The following MYH14 variants were observed in gnomAD, a reference collection of about 807,000 sequenced individuals.
MYH14 encodes the protein myosin-14.
MYH14 carries 123 observed loss-of-function variants against 255.5 expected under a neutral mutation model. The observed-to-expected ratio is 0.48, with a 90% CI of 0.42 to 0.56. The LOEUF is 0.56. MYH14 is among the 20% of genes least tolerant of loss of function. The probability of loss-of-function intolerance (pLI) is 0.00; values close to 1 mark genes in which losing one functional copy is unlikely to be tolerated. For synonymous variants in MYH14, 1,095 were observed against 1,161.2 expected (o/e 0.94, Z 1.16); for missense variants, 2,423 against 2,802.3 (o/e 0.86, Z 3.06).
At chr19:50,303,514 G>C (rs146642739) in intron 40 of MYH14, among the ~76,000 whole-genome samples, 1 of 152,142 alleles carries the variant, frequency 6.6e-6, no homozygotes, top group African/African-American at 2.4e-5. Flanking sequence ...CACTCAGCCC[G>C]CTCAGATTCA....
chr19:50,286,766 C>A, intron 34 of MYH14, 72 bp downstream of exon 34: 1 of 1,373,172 alleles, frequency 7.3e-7, no homozygotes, highest in South Asian at 1.3e-5. Context: ...TGCTTTCACA[C>A]ATAGAACATG....
chr19:50,280,092 G>A lies in MYH14; in HGVS notation c.4088G>A (p.Arg1363His), dbSNP rs727504915. Residue 1363 changes from arginine (R) to histidine (H), a missense_variant, in exon 31 of 43, where the codon CGT becomes CAT. By Grantham distance (29) the Arg-to-His change is conservative. Transcript: ENST00000642316. This position sits in a 1 kb window ranked among gnomAD's most constrained non-coding sequence, Gnocchi z 4.8. ...ALNEAESKTI[R>H]LSKELSSTEA... ...AACGAGGCTGAGTCCAAAACCATCC[G>A]TCTTAGCAAGGAGCTGAGCAGCACA... 4.6e-5 allele frequency: 74 copies of A among 1,610,538 alleles called. No individual in the cohort carries two copies. The highest frequency in any genetic ancestry group is 1.6e-4 in the Middle Eastern group (1 of 6,082).
chr19:50,233,961 G>A (rs992569358), intron 10 of MYH14, among the ~76,000 whole-genome samples: 17 of 151,836 alleles, frequency 1.1e-4, no homozygotes, highest in Non-Finnish European at 2.2e-4. Context: ...GATCACAGGC[G>A]TGTGTGCCAC....
At chr19:50,237,855 C>CT (rs564880013) in intron 10 of MYH14, among the ~76,000 whole-genome samples, 35 of 152,252 alleles carry the variant, frequency 2.3e-4, no homozygotes, top group Middle Eastern at 3.4e-3. Flanking sequence ...TTTTCACAGA[C>CT]TTTTTTTGAC....
chr19:50,217,044 C>T (rs1190838570), intron 2 of MYH14, among the ~76,000 whole-genome samples: 1 of 151,998 alleles, frequency 6.6e-6, no homozygotes, highest in African/African-American at 2.4e-5. Flanking sequence ...CTCCTGACCT[C>T]GTGATCCACC....
chr19:50,235,937 C>T (rs151133520), intron 10 of MYH14, among the ~76,000 whole-genome samples: 40 of 151,952 alleles, frequency 2.6e-4, no homozygotes, highest in African/African-American at 8.7e-4. Flanking sequence ...TTTGCAGCTG[C>T]GTAAGGTTTT....
chr19:50,281,868 G>A (rs747175251), intron 33 of MYH14, 26 bp downstream of exon 33: 23 of 1,601,768 alleles, frequency 1.4e-5, no homozygotes, highest in East Asian at 6.7e-5. Flanking sequence ...TCACCCAGCC[G>A]GGGAATCAGC....
At chr19:50,296,551 G>C (rs1322780151) in intron 39 of MYH14, among the ~76,000 whole-genome samples, 2 of 152,170 alleles carry the variant, frequency 1.3e-5, no homozygotes, top group African/African-American at 4.8e-5. Flanking sequence ...AGGTTGTAGT[G>C]AGCCAGAATT....
At position 50,250,623 on chromosome 19, in the gene MYH14, A is replaced by C. The variant is rs748671859; in HGVS notation, c.1765A>C (p.Lys589Gln). 2 of 1,613,982 alleles carry C rather than the reference A, an allele frequency of 1.2e-6. No homozygotes were observed. Among genetic ancestry groups the C allele is most frequent in the Non-Finnish European group, 1.7e-6 (2 of 1,179,888 alleles). ...AGCCCAGGAGCAGGGCGGCCACCCC[A>C]AGTTCCAGCGGCCGAGGCACCTGCG... ...KVAQEQGGHP[K>Q]FQRPRHLRDQ... Residue 589 changes from lysine to glutamine, a missense_variant, in exon 15 of 43, where the codon AAG (lysine) becomes CAG (glutamine). Lys to Gln is a moderately conservative substitution (Grantham distance 53). Coordinates refer to ENST00000642316, the MANE Select transcript of MYH14 (RefSeq NM_001145809.2). This position sits in a 1 kb window ranked among gnomAD's most constrained non-coding sequence, Gnocchi z 5.4.
In MYH14 at chr19:50,271,716, G is replaced by T. The variant is rs1297966245; in HGVS notation, c.3172-133G>T. 5.4e-6 allele frequency: 8 copies of T among 1,470,806 alleles called. No individual in the cohort carries two copies. The African/African-American group carries it at 9.8e-5, about 18-fold the overall frequency. 91.1% of individuals were successfully genotyped at this position (1,470,806 alleles called of 1,614,324 possible). On this transcript the variant is annotated intron_variant, in intron 25 of 42. Coordinates refer to ENST00000642316, the MANE Select transcript of MYH14 (RefSeq NM_001145809.2). ...GAATGGGAAGGAGAGGGAGGTGTAG[G>T]GGGAGGAAGGTCAGAGAAGGGTGAA...
At position 50,280,307 on chromosome 19, in the gene MYH14, G is replaced by A. The variant is rs1350611784; in HGVS notation, c.4214G>A (p.Gly1405Glu). The A allele has an allele frequency of 6.4e-7, 1 of 1,550,858 alleles. No homozygotes were observed. The highest frequency in any genetic ancestry group is 1.4e-5 in the African/African-American group (1 of 73,154). ...CGAGCCATGGAGGCTGAGGCAGCCG[G>A]GCTGCGTGAGCAGCTGGAGGAGGAG... ...RVRAMEAEAA[G>E]LREQLEEEAA... The change falls in exon 32 of 43, where the codon GGG becomes GAG. Residue 1405 changes from glycine to glutamate, a missense_variant. Gly to Glu is a moderately conservative substitution (Grantham distance 98). This residue lies in a region of MYH14 where 1,513 missense variants were observed against 1,674.8 expected (regional missense o/e 0.90). Coordinates refer to ENST00000642316, the MANE Select transcript of MYH14 (RefSeq NM_001145809.2). This position sits in a 1 kb window ranked among gnomAD's most constrained non-coding sequence, Gnocchi z 4.8.
chr19:50,303,979 AT>A (rs1463214834), intron 40 of MYH14, among the ~76,000 whole-genome samples: 1 of 152,202 alleles, frequency 6.6e-6, no homozygotes, highest in African/African-American at 2.4e-5. Context: ...AGATTTTCCT[AT>A]TGCTCAGTAC....
rs1057520092 is a variant in MYH14 at position 50,217,616 on chromosome 19, C to T, written c.407C>T (p.Thr136Met). The change falls in exon 3 of 43, where the codon ACG becomes ATG. Residue 136 changes from threonine to methionine, a missense_variant and splice_region_variant. Transcript: ENST00000642316. ...CCTCTCCCCTCTCACCCACTGCAGA[C>T]GTACTCCGGCCTTTTCTGTGTGGTC... ...RERYYSGLIYTYSGLFCVVIN... is the reference protein window; with the variant it reads ...RERYYSGLIYMYSGLFCVVIN... 9 of 1,613,930 alleles carry T rather than the reference C, an allele frequency of 5.6e-6. No homozygotes were observed. The highest frequency in any genetic ancestry group is 4.5e-5 in the East Asian group (2 of 44,894).
rs749591626 is a variant in MYH14 at position 50,309,665 on chromosome 19, C to T, written c.5986C>T (p.Arg1996Cys). 1.3e-5 allele frequency: 21 copies of T among 1,610,914 alleles called. No homozygotes were observed. The highest frequency in any genetic ancestry group is 1.5e-5 in the Non-Finnish European group (18 of 1,178,886). ...ACGCGGCCCCCTCACCTTCACCACCCGCACGGTGCGCCAGGTCTTCCGACT... is the reference window on the plus strand; with the variant it reads ...ACGCGGCCCCCTCACCTTCACCACCTGCACGGTGCGCCAGGTCTTCCGACT... The part of the protein sequence containing the change: ...LRRGPLTFTT[R>C]TVRQVFRLEE... The change falls in exon 43 of 43, where the codon CGC becomes TGC. Residue 1996 changes from arginine to cysteine, a missense_variant. Physicochemically the swap from Arg to Cys is radical, Grantham distance 180. This residue lies in a region of MYH14 where 1,513 missense variants were observed against 1,674.8 expected (regional missense o/e 0.90). Coordinates refer to ENST00000642316, the MANE Select transcript of MYH14 (RefSeq NM_001145809.2).
intron 1 of MYH14, among the ~76,000 whole-genome samples, chr19:50,206,416 G>A (rs1157365757): frequency 6.6e-6 from 1 of 151,456 alleles, no homozygotes; most frequent in East Asian, 2.0e-4. Flanking sequence ...GATGGGGTGG[G>A]GTGGGGTGGG....
intron 8 of MYH14, among the ~76,000 whole-genome samples, chr19:50,228,078 G>T (rs904728222): frequency 1.3e-5 from 2 of 152,094 alleles, no homozygotes; most frequent in African/African-American, 4.8e-5. Context: ...GAAGCCAGGA[G>T]TTTGAGACCA....
rs537444672 is a variant in MYH14, at chr19:50,260,877, G to A, written c.2424+162G>A. On this transcript the variant is annotated intron_variant, in intron 20 of 42. Coordinates refer to ENST00000642316, the MANE Select transcript of MYH14 (RefSeq NM_001145809.2). ...TGTGTGCATGCATATGTGTGCATGC[G>A]TGTGTGTGCATGTGTGTGTGTGCAT... Among the ~76,000 whole-genome samples the A allele has an allele frequency of 6.1e-5, 9 of 147,728 alleles. No homozygotes were observed. The East Asian group carries it at 1.2e-3, about 19-fold the overall frequency.
chr19:50,210,313 C>G (rs1026055543), intron 1 of MYH14, 50 bp from the exon 2 acceptor site: 2 of 1,487,146 alleles, frequency 1.3e-6, no homozygotes, highest in Admixed American at 2.2e-5. Flanking sequence ...AAGGGAGGCC[C>G]GGGGGACGGA....
Position 50,260,722 on chromosome 19 carries a change from G to T in MYH14, c.2424+7G>T. 3 of 1,609,096 alleles carry T rather than the reference G, an allele frequency of 1.9e-6. No homozygotes were observed. The highest frequency in any genetic ancestry group is 2.5e-6 in the Non-Finnish European group (3 of 1,177,944). On this transcript the variant is annotated splice_region_variant and intron_variant, in intron 20 of 42. Coordinates refer to ENST00000642316, the MANE Select transcript of MYH14 (RefSeq NM_001145809.2). ...GCAGGCCTGTGAAAAGATGGTGAGT[G>T]GGGCAGAGCCTGGAATGCGTGTGTG...
Sources: allele counts gnomAD v4.1 joint callset (sites outside exome capture counted in the v4.1 genomes callset), GRCh38; gene constraint gnomAD v4.1.1; regional missense constraint gnomAD v4.1.1; non-coding constraint Gnocchi (gnomAD v3.1); transcripts MANE v1.5; gene names NCBI Gene and HGNC (gene_info 2026-07-23, HGNC 2026-07-21).